Variants in STXBP5L observed in about 807,000 individuals in gnomAD.
STXBP5L encodes the protein syntaxin-binding protein 5-like.
STXBP5L carries 65 observed loss-of-function variants against 144.5 expected under a neutral mutation model. The ratio of observed to expected loss-of-function variants is 0.45; its 90% CI spans 0.37 to 0.55. STXBP5L has a LOEUF of 0.55. Among genes scored for constraint, STXBP5L ranks in the 20% least tolerant of loss-of-function variants. STXBP5L has a pLI of 0.00. For missense variants in STXBP5L, 1,298 were observed against 1,405.5 expected, an observed-to-expected ratio of 0.92 and a Z score of 1.22; for synonymous variants, 505 against 469.6, an observed-to-expected ratio of 1.08 and a Z score of -0.97.
At chr3:121,001,377 A>G (rs999624281) in intron 3 of STXBP5L, among the ~76,000 whole-genome samples, 2 of 152,226 alleles carry the variant, frequency 1.3e-5, no homozygotes, top group Non-Finnish European at 2.9e-5. Flanking sequence ...GGATACTCAG[A>G]TCAGACTGGT....
At chr3:121,218,263 T>G (rs1329631811) in intron 10 of STXBP5L, among the ~76,000 whole-genome samples, 1 of 143,508 alleles carries the variant, frequency 7.0e-6, no homozygotes, top group Admixed American at 7.3e-5. Context: ...CATAGTATAA[T>G]ATAGTATATA....
chr3:121,005,117 G>T (rs1944167156), intron 3 of STXBP5L, among the ~76,000 whole-genome samples: 1 of 152,196 alleles, frequency 6.6e-6, no homozygotes, highest in African/African-American at 2.4e-5. Flanking sequence ...AATAGTTTCA[G>T]AAGGAATGTT....
chr3:121,187,787 C>G (rs1370712388), intron 9 of STXBP5L, among the ~76,000 whole-genome samples: 1 of 151,386 alleles, frequency 6.6e-6, no homozygotes, highest in African/African-American at 2.4e-5. Flanking sequence ...GTTCAGTATT[C>G]AGGAGACCCA....
chr3:121,124,409 G>A (rs1429789266), intron 7 of STXBP5L, among the ~76,000 whole-genome samples: 1 of 151,848 alleles, frequency 6.6e-6, no homozygotes, highest in African/African-American at 2.4e-5. Context: ...TACATGTTAA[G>A]ATATGGGTGT....
Position 120,955,241 on chromosome 3 carries a change from C to A in STXBP5L, c.287+204C>A, listed in dbSNP as rs1009687843. Among the ~76,000 whole-genome samples the A allele has an allele frequency of 1.5e-4, 23 of 151,978 alleles. No homozygotes were observed. The South Asian group carries it at 1.7e-3, about 11-fold the overall frequency. On this transcript the variant is annotated intron_variant, in intron 3 of 26. Coordinates refer to ENST00000471454, the MANE Select transcript of STXBP5L (RefSeq NM_001308330.2). Reference sequence around the variant, plus strand: ...CAGTATTGATGTCTCTTCTTTAACTCCTGTTATTTGTAATTTGTATCTTCT... The same window carrying A: ...CAGTATTGATGTCTCTTCTTTAACTACTGTTATTTGTAATTTGTATCTTCT...
intron 9 of STXBP5L, among the ~76,000 whole-genome samples, chr3:121,186,584 G>A (rs1234046866): frequency 6.6e-6 from 1 of 152,136 alleles, no homozygotes; most frequent in Admixed American, 6.5e-5. Context: ...CTGTTTATAT[G>A]CTGGATTACA....
intron 4 of STXBP5L, among the ~76,000 whole-genome samples, chr3:121,043,480 G>T (rs959229335): frequency 2.0e-5 from 3 of 152,098 alleles, no homozygotes; most frequent in East Asian, 3.9e-4. Context: ...GGAAGTTAAG[G>T]TGGGTGGATC....
intron 22 of STXBP5L, among the ~76,000 whole-genome samples, chr3:121,406,399 A>G (rs949104983): frequency 6.6e-6 from 1 of 152,100 alleles, no homozygotes; most frequent in Non-Finnish European, 1.5e-5. Flanking sequence ...CTAAGCTAAC[A>G]TACTTTCTCT....
At chr3:121,291,692 A>G (rs1002040873) in intron 19 of STXBP5L, among the ~76,000 whole-genome samples, 6 of 152,194 alleles carry the variant, frequency 3.9e-5, no homozygotes, top group Non-Finnish European at 5.9e-5. Flanking sequence ...ACTTCATGGT[A>G]CTGACATAAA....
intron 19 of STXBP5L, among the ~76,000 whole-genome samples, chr3:121,286,171 G>C (rs1338319700): frequency 6.6e-6 from 1 of 152,048 alleles, no homozygotes; most frequent in African/African-American, 2.4e-5. Context: ...AGAGTCCCAG[G>C]CCTATTATCC....
chr3:121,301,919 G>A (rs548489362), intron 19 of STXBP5L, among the ~76,000 whole-genome samples: 93 of 152,248 alleles, frequency 6.1e-4, no homozygotes, highest in African/African-American at 2.0e-3. Flanking sequence ...GTGGATAAGC[G>A]TTTTGATGTA....
intron 18 of STXBP5L, among the ~76,000 whole-genome samples, chr3:121,267,785 A>G (rs71591992): frequency 6.6e-6 from 1 of 152,228 alleles, no homozygotes; most frequent in Non-Finnish European, 1.5e-5. Flanking sequence ...ACATTTATGC[A>G]GCCAACAAAT....
chr3:120,996,196 T>C (rs1943333253), intron 3 of STXBP5L, among the ~76,000 whole-genome samples: 3 of 152,234 alleles, frequency 2.0e-5, no homozygotes, highest in South Asian at 2.1e-4. Context: ...TGTTTTAGTT[T>C]TTAAAGCTTA....
chr3:121,198,295 G>A (rs1248380446), intron 9 of STXBP5L, among the ~76,000 whole-genome samples: 1 of 152,096 alleles, frequency 6.6e-6, no homozygotes, highest in African/African-American at 2.4e-5. Context: ...TGTCTTTTGA[G>A]AAGTGTCTGT....
chr3:121,287,117 G>C (rs1174247468), intron 19 of STXBP5L, among the ~76,000 whole-genome samples: 1 of 152,186 alleles, frequency 6.6e-6, no homozygotes, highest in African/African-American at 2.4e-5. Flanking sequence ...AGGATTAAAG[G>C]AAACAGTGCC....
chr3:121,186,072 G>T (rs2047369190), intron 9 of STXBP5L, among the ~76,000 whole-genome samples: 1 of 152,142 alleles, frequency 6.6e-6, no homozygotes, highest in African/African-American at 2.4e-5. Context: ...GTGAATGGGA[G>T]TTCACTCATG....
chr3:121,012,978 G>T (rs1029159341), intron 3 of STXBP5L, among the ~76,000 whole-genome samples: 2 of 151,966 alleles, frequency 1.3e-5, no homozygotes, highest in East Asian at 3.9e-4. Flanking sequence ...ATTTGCTTAT[G>T]ATAATGGCCT....
chr3:121,177,084 G>C (rs1161542580), intron 9 of STXBP5L, among the ~76,000 whole-genome samples: 1 of 151,736 alleles, frequency 6.6e-6, no homozygotes, highest in Non-Finnish European at 1.5e-5. Flanking sequence ...GCAAAAACTA[G>C]ATCATTTATA....
At chr3:120,960,602 C>T (rs1938656614) in intron 3 of STXBP5L, among the ~76,000 whole-genome samples, 1 of 152,148 alleles carries the variant, frequency 6.6e-6, no homozygotes. Context: ...AGTTCATGTC[C>T]TTTGTAGGGA....
Sources: gnomAD v4.1 joint callset for allele counts (sites outside exome capture counted in the v4.1 genomes callset) on GRCh38, gnomAD v4.1.1 for gene constraint, MANE v1.5 for transcripts, NCBI Gene and HGNC (gene_info 2026-07-23, HGNC 2026-07-21) for gene names.